The following SLIT3 variants were observed in gnomAD, a reference collection of about 807,000 sequenced individuals.
The protein encoded by SLIT3 is slit homolog 3 protein.
SLIT3 carries 68 observed loss-of-function variants against 184.0 expected under a neutral mutation model. The observed-to-expected ratio is 0.37, with a 90% confidence interval of 0.30 to 0.45. SLIT3 has a LOEUF of 0.45. Ranked by LOEUF, SLIT3 falls within the 20% of genes least tolerant of loss-of-function variation. The pLI, the probability that SLIT3 is intolerant of heterozygous loss-of-function variation, is 1.00. For synonymous variants in SLIT3, 831 were observed against 828.6 expected (o/e 1.00, Z -0.05); for missense variants, 1,707 against 2,026.0 (o/e 0.84, Z 3.02).
At chr5:168,738,576 T>C (rs1763510315) in intron 20 of SLIT3, among the ~76,000 whole-genome samples, 1 of 152,160 alleles carries the variant, frequency 6.6e-6, no homozygotes, top group South Asian at 2.1e-4. Context: ...GGCAAACTCA[T>C]TATTCAGACA....
intron 5 of SLIT3, among the ~76,000 whole-genome samples, chr5:168,862,101 T>C (rs1255905363): frequency 3.9e-5 from 6 of 152,130 alleles, no homozygotes; most frequent in Non-Finnish European, 8.8e-5. Flanking sequence ...ATTTTTCATG[T>C]AGCTGGAAAC....
chr5:169,116,600 G>C (rs1760672592), intron 4 of SLIT3, among the ~76,000 whole-genome samples: 1 of 152,190 alleles, frequency 6.6e-6, no homozygotes, highest in South Asian at 2.1e-4. Context: ...GAAAGATCTA[G>C]GCAACCAGGC....
Position 168,994,578 on chromosome 5 carries a change from A to G in SLIT3, c.414-111242T>C, listed in dbSNP as rs531435778. ...TGGTCAAAGTGGTTACAAACAGAAT[A>G]ATAATATCTAATGCTACTAACATGT... is the stretch of plus-strand genomic sequence containing the variant. On this transcript the variant is annotated intron_variant, in intron 4 of 35. Coordinates refer to ENST00000519560, the MANE Select transcript of SLIT3 (RefSeq NM_003062.4). Among the ~76,000 whole-genome samples, 42 of 150,572 alleles carry G rather than the reference A, an allele frequency of 2.8e-4. 2 individuals carry two copies. The South Asian group carries it at 8.3e-3, about 30-fold the overall frequency.
chr5:169,205,192 C>T (rs1187519568), intron 3 of SLIT3, among the ~76,000 whole-genome samples: 1 of 152,168 alleles, frequency 6.6e-6, no homozygotes, highest in African/African-American at 2.4e-5. Flanking sequence ...TCTAAGAACT[C>T]TTGGACAGGG....
At position 169,157,643 on chromosome 5, in the gene SLIT3, T is replaced by C. The variant is rs553696271; in HGVS notation, c.413+35836A>G. ...GTCGCACAACATAATACTCAAAATGTCCAGTTTCAATAGAAAACCACTCAT... is the reference window on the plus strand; with the variant it reads ...GTCGCACAACATAATACTCAAAATGCCCAGTTTCAATAGAAAACCACTCAT... On this transcript the variant is annotated intron_variant, in intron 4 of 35. Coordinates refer to ENST00000519560, the MANE Select transcript of SLIT3 (RefSeq NM_003062.4). Among the ~76,000 whole-genome samples, 8 of 152,188 alleles carry C rather than the reference T, an allele frequency of 5.3e-5. No homozygotes were observed. The East Asian group carries it at 9.6e-4, about 18-fold the overall frequency.
intron 4 of SLIT3, among the ~76,000 whole-genome samples, chr5:168,931,112 CT>C (rs1761976783): frequency 6.6e-6 from 1 of 152,120 alleles, no homozygotes; most frequent in Non-Finnish European, 1.5e-5. Flanking sequence ...CTCTAATTGT[CT>C]TATTGGTATA....
chr5:169,033,486 AT>A (rs1333408331), intron 4 of SLIT3, among the ~76,000 whole-genome samples: 5 of 152,208 alleles, frequency 3.3e-5, no homozygotes, highest in African/African-American at 1.2e-4. Flanking sequence ...TCATCTGGTA[AT>A]TTTATTTTTA....
chr5:169,051,882 C>A (rs1295722060), intron 4 of SLIT3, among the ~76,000 whole-genome samples: 1 of 152,258 alleles, frequency 6.6e-6, no homozygotes, highest in Middle Eastern at 3.4e-3. Flanking sequence ...ACTGTCGGCT[C>A]TCATCCATTT....
intron 7 of SLIT3, among the ~76,000 whole-genome samples, chr5:168,822,331 T>C (rs1757560503): frequency 6.6e-6 from 1 of 152,154 alleles, no homozygotes; most frequent in African/African-American, 2.4e-5. Flanking sequence ...TCACCACCAT[T>C]CCTATTTATA....
chr5:168,988,058 G>A (rs2113377010), intron 4 of SLIT3, among the ~76,000 whole-genome samples: 1 of 152,350 alleles, frequency 6.6e-6, no homozygotes, highest in South Asian at 2.1e-4. Flanking sequence ...AAAGCCTGCG[G>A]GGTTTAGAAA....
At chr5:168,703,910 A>C (rs1762295332) in intron 26 of SLIT3, among the ~76,000 whole-genome samples, 1 of 133,156 alleles carries the variant, frequency 7.5e-6, no homozygotes, top group South Asian at 2.4e-4. Context: ...ATGCCACTGC[A>C]CTCCAGCCTG....
chr5:169,046,085 G>A (rs1757612493), intron 4 of SLIT3, among the ~76,000 whole-genome samples: 1 of 152,142 alleles, frequency 6.6e-6, no homozygotes, highest in East Asian at 1.9e-4. Context: ...ATTTGATGAT[G>A]GACAAAGAAG....
At position 169,229,925 on chromosome 5, in the gene SLIT3, G is replaced by A. The variant is rs551669522; in HGVS notation, c.341+14780C>T. Among the ~76,000 whole-genome samples, 5 of 152,262 alleles carry A rather than the reference G, an allele frequency of 3.3e-5. No homozygotes were observed. The East Asian group carries it at 9.7e-4, about 29-fold the overall frequency. ...AATTCGAGGTGCCGAAGATCCTACA[G>A]CCATTCTTCTCAATGAACCTGTGCC... is the stretch of plus-strand genomic sequence containing the variant. On this transcript the variant is annotated intron_variant, in intron 3 of 35. Coordinates refer to ENST00000519560, the MANE Select transcript of SLIT3 (RefSeq NM_003062.4).
intron 4 of SLIT3, among the ~76,000 whole-genome samples, chr5:169,159,694 T>G (rs1288112494): frequency 1.3e-5 from 2 of 152,060 alleles, no homozygotes; most frequent in Non-Finnish European, 2.9e-5. Flanking sequence ...AAGAATGGCG[T>G]GAACCTGGGA....
At chr5:168,714,918 GAGGGCACCATC>G (rs1387346341) in intron 23 of SLIT3, among the ~76,000 whole-genome samples, 1 of 152,216 alleles carries the variant, frequency 6.6e-6, no homozygotes, top group Non-Finnish European at 1.5e-5. Flanking sequence ...GAATGCAGAT[GAGGGCACCATC>G]AGGGCAACAT....
At chr5:168,711,525 GT>G (rs935792919) in intron 24 of SLIT3, among the ~76,000 whole-genome samples, 37 of 146,256 alleles carry the variant, frequency 2.5e-4, no homozygotes, top group South Asian at 2.2e-3. Flanking sequence ...TAGAAATTCT[GT>G]TTTTTTTTTT....
intron 4 of SLIT3, among the ~76,000 whole-genome samples, chr5:169,113,368 A>G (rs1760485958): frequency 6.6e-6 from 1 of 152,232 alleles, no homozygotes. Flanking sequence ...AATGTCTTCA[A>G]GGTCTATCCA....
At chr5:168,819,723 A>G (rs1414934385) in intron 7 of SLIT3, among the ~76,000 whole-genome samples, 2 of 152,244 alleles carry the variant, frequency 1.3e-5, no homozygotes, top group Non-Finnish European at 2.9e-5. Context: ...AAAATGTCAG[A>G]GGTTTCCCTT....
chr5:169,061,438 A>C (rs900024071), intron 4 of SLIT3, among the ~76,000 whole-genome samples: 10 of 152,210 alleles, frequency 6.6e-5, no homozygotes, highest in African/African-American at 2.4e-4. Context: ...CATAACTATG[A>C]ACGCTATTCT....
Sources: gnomAD v4.1 joint callset for allele counts (sites outside exome capture counted in the v4.1 genomes callset) on GRCh38, gnomAD v4.1.1 for gene constraint, MANE v1.5 for transcripts, NCBI Gene and HGNC (gene_info 2026-07-23, HGNC 2026-07-21) for gene names.